The following PIKFYVE variants were observed in gnomAD, a reference collection of about 807,000 sequenced individuals.
The protein encoded by PIKFYVE is 1-phosphatidylinositol 3-phosphate 5-kinase.
In PIKFYVE, 122 loss-of-function variants were observed where a neutral mutation model predicts 257.9. That is an observed-to-expected ratio of 0.47 (90% CI 0.41 to 0.55). The LOEUF is 0.55. Among genes scored for constraint, PIKFYVE ranks in the 20% least tolerant of loss-of-function variants. PIKFYVE has a pLI of 0.00. For missense variants in PIKFYVE, 2,160 were observed against 2,536.6 expected (o/e 0.85, Z 3.19); for synonymous variants, 892 against 868.9 (o/e 1.03, Z -0.47).
At chr2:208,335,942 T>G in intron 26 of PIKFYVE, 41 bp downstream of exon 26, 1 of 1,577,220 alleles carries the variant, frequency 6.3e-7, no homozygotes, top group South Asian at 1.1e-5. Flanking sequence ...AGTTAATTAT[T>G]GATTAAAAAT....
Position 208,347,881 on chromosome 2 carries a change from G to C in PIKFYVE, c.5232G>C (p.Leu1744Phe). ...PQPTKKASGM[L>F]SFFRGTAGKS... The stretch of plus-strand genomic sequence containing the variant: ...TAGCCAAAAAGGCTTCTGGAATGTT[G>C]TCCTTCTTCAGAGGGACAGCAGGGA... The change falls in exon 35 of 42, where the codon TTG becomes TTC. Residue 1744 changes from leucine to phenylalanine, a missense_variant. Physicochemically the swap from Leu to Phe is conservative, Grantham distance 22. Around this residue, in one of 12 missense-constraint regions of PIKFYVE, gnomAD observed 699 missense variants for 855.8 expected, o/e 0.82. Transcript: ENST00000264380. 1 of 1,613,492 alleles carries C rather than the reference G, an allele frequency of 6.2e-7. No homozygotes were observed.
Position 208,307,450 on chromosome 2 carries a change from T to A in PIKFYVE, c.1636+2437T>A, listed in dbSNP as rs554727397. 1.2e-4 allele frequency among the ~76,000 whole-genome samples: 18 copies of A among 152,370 alleles called. 1 individual carries two copies. The East Asian group carries it at 3.3e-3, about 28-fold the overall frequency. On this transcript the variant is annotated intron_variant, in intron 12 of 41. Coordinates refer to ENST00000264380, the MANE Select transcript of PIKFYVE (RefSeq NM_015040.4). Reference sequence around the variant, plus strand: ...TTTTAAATAAGTCTGTTGCCAGGTTTAGGCAAACTGTATGCCAGGTTGTTG... The same window carrying A: ...TTTTAAATAAGTCTGTTGCCAGGTTAAGGCAAACTGTATGCCAGGTTGTTG...
intron 29 of PIKFYVE, 120 bp from the exon 30 acceptor site, chr2:208,339,298 T>C (rs1232595969): frequency 1.6e-6 from 2 of 1,236,556 alleles, no homozygotes; most frequent in African/African-American, 1.5e-5. Flanking sequence ...TAGATGATTT[T>C]TAAAAAGTAA....
At chr2:208,313,748 A>G (rs568883216) in intron 13 of PIKFYVE, among the ~76,000 whole-genome samples, 1 of 151,952 alleles carries the variant, frequency 6.6e-6, no homozygotes, top group East Asian at 1.9e-4. Context: ...ACGCCCAGCT[A>G]ATTTTTGTGT....
rs775089413 is a variant in PIKFYVE at position 208,330,638 on chromosome 2, G to A, written c.3907G>A (p.Val1303Ile). 13 of 1,614,014 alleles carry A rather than the reference G, an allele frequency of 8.1e-6. No homozygotes were observed. The highest frequency in any genetic ancestry group is 1.3e-5 in the African/African-American group (1 of 74,934). The change falls in exon 23 of 42, where the codon GTA (valine) becomes ATA (isoleucine). Residue 1303 changes from valine (V) to isoleucine (I), a missense_variant. Val to Ile is a conservative substitution (Grantham distance 29). This residue lies in a region of PIKFYVE where 55 missense variants were observed against 103.0 expected (regional missense o/e 0.53). Coordinates refer to ENST00000264380, the MANE Select transcript of PIKFYVE (RefSeq NM_015040.4). ...AATCCTGAAGGAGTTGGATTCTCCA[G>A]TACCTGGATATCAGCATACAATTCT... is the stretch of plus-strand genomic sequence containing the variant. ...QIILKELDSP[V>I]PGYQHTILTY... is the part of the protein sequence containing the mutation.
At chr2:208,278,255 A>G (rs995963243) in intron 5 of PIKFYVE, among the ~76,000 whole-genome samples, 1 of 150,408 alleles carries the variant, frequency 6.6e-6, no homozygotes, top group Non-Finnish European at 1.5e-5. Flanking sequence ...CATCTCTCTC[A>G]TGTTATTTTT....
intron 3 of PIKFYVE, among the ~76,000 whole-genome samples, chr2:208,276,319 C>T (rs1690098173): frequency 6.6e-6 from 1 of 152,194 alleles, no homozygotes; most frequent in East Asian, 1.9e-4. Context: ...AGAGACCAAG[C>T]TAAGTTAACC....
At chr2:208,348,841 G>T (rs751359997) in intron 35 of PIKFYVE, among the ~76,000 whole-genome samples, 1 of 151,852 alleles carries the variant, frequency 6.6e-6, no homozygotes, top group Non-Finnish European at 1.5e-5. Flanking sequence ...AAATAGTTTG[G>T]TGACCTCTGG....
chr2:208,290,069 G>A (rs986307842), intron 7 of PIKFYVE, among the ~76,000 whole-genome samples: 3 of 151,970 alleles, frequency 2.0e-5, no homozygotes, highest in Non-Finnish European at 4.4e-5. Flanking sequence ...CATGACTATC[G>A]GTGTCCTGCA....
chr2:208,296,297 G>A (rs751323581), intron 7 of PIKFYVE, among the ~76,000 whole-genome samples: 3 of 152,116 alleles, frequency 2.0e-5, no homozygotes, highest in South Asian at 4.1e-4. Flanking sequence ...GAGCCACCAC[G>A]CCTGGACGAA....
At chr2:208,332,771 A>G (rs186103878) in intron 23 of PIKFYVE, among the ~76,000 whole-genome samples, 20 of 151,188 alleles carry the variant, frequency 1.3e-4, no homozygotes, top group Admixed American at 4.6e-4. Context: ...GTGTGTGTGT[A>G]TATATATATA....
chr2:208,316,289 G>T (rs1475566013), intron 15 of PIKFYVE, among the ~76,000 whole-genome samples: 1 of 152,094 alleles, frequency 6.6e-6, no homozygotes, highest in Non-Finnish European at 1.5e-5. Context: ...TGGACATTTG[G>T]GTTGGTTCCA....
chr2:208,346,587 A>G (rs1015724496), intron 34 of PIKFYVE, among the ~76,000 whole-genome samples: 2 of 152,234 alleles, frequency 1.3e-5, no homozygotes, highest in Admixed American at 1.3e-4. Flanking sequence ...TCAAGAAGGA[A>G]CTTAAAATTT....
At chr2:208,322,575 C>G (rs1696379746) in intron 17 of PIKFYVE, among the ~76,000 whole-genome samples, 1 of 151,358 alleles carries the variant, frequency 6.6e-6, no homozygotes. Flanking sequence ...TCAGCATAAT[C>G]AAGTTTAGAA....
chr2:208,321,575 GTTTTT>G (rs869195257), intron 17 of PIKFYVE, among the ~76,000 whole-genome samples: 6,746 of 142,838 alleles, frequency 0.047, 265 homozygotes, highest in African/African-American at 0.12. Context: ...CTTTTCTTTT[GTTTTT>G]TTTTTTTTTT....
rs1162644243 is a variant in PIKFYVE at position 208,350,102 on chromosome 2, A to G, written c.5434+19A>G. The G allele has an allele frequency of 2.5e-6, 4 of 1,612,150 alleles. No homozygotes were observed. The highest frequency in any genetic ancestry group is 3.4e-6 in the Non-Finnish European group (4 of 1,178,872). ...GAACTTCGTAAGTATGAGATATTATATCATTGGTTTGGGGAGAGGGACTAC... is the reference window on the plus strand; with the variant it reads ...GAACTTCGTAAGTATGAGATATTATGTCATTGGTTTGGGGAGAGGGACTAC... On this transcript the variant is annotated intron_variant, in intron 36 of 41. Transcript: ENST00000264380.
chr2:208,266,345 TC>T lies in PIKFYVE; in HGVS notation c.-78del, dbSNP rs1404561966. Reference sequence around the variant, plus strand: ...CCACCGCCGCTCTCGGGGGCCGACTTCCGGGGGCTGAGCCGTTGAAGCGGAG... The same window carrying T: ...CCACCGCCGCTCTCGGGGGCCGACTTCGGGGGCTGAGCCGTTGAAGCGGAG... On this transcript the variant is annotated 5_prime_UTR_variant, in exon 1 of 42. Coordinates refer to ENST00000264380, the MANE Select transcript of PIKFYVE (RefSeq NM_015040.4). 6 of 152,094 alleles carry T rather than the reference TC, an allele frequency of 3.9e-5. No homozygotes were observed. Among genetic ancestry groups the T allele is most frequent in the South Asian group, 2.1e-4 (1 of 4,818 alleles). The allele number at this position is 152,094 out of a possible 1,614,324, so 9.4% of individuals were successfully genotyped here.
At chr2:208,324,802 G>C in intron 18 of PIKFYVE, 109 bp from the exon 19 acceptor site, 1 of 1,335,546 alleles carries the variant, frequency 7.5e-7, no homozygotes. Flanking sequence ...TATTAAAAAG[G>C]AAATTTGTGA....
intron 12 of PIKFYVE, among the ~76,000 whole-genome samples, chr2:208,311,662 T>A (rs758703844): frequency 1.3e-5 from 2 of 152,212 alleles, no homozygotes; most frequent in Non-Finnish European, 2.9e-5. Context: ...CAGTGTTTGA[T>A]ATAATTTTTG....
Sources: allele counts gnomAD v4.1 joint callset (sites outside exome capture counted in the v4.1 genomes callset), GRCh38; gene constraint gnomAD v4.1.1; regional missense constraint gnomAD v4.1.1; transcripts MANE v1.5; gene names NCBI Gene and HGNC (gene_info 2026-07-23, HGNC 2026-07-21).